DNAJC1: variants seen among roughly 807,000 people sequenced by gnomAD.
The protein encoded by DNAJC1 is dnaJ homolog subfamily C member 1.
DNAJC1 carries 58 observed loss-of-function variants against 76.6 expected under a neutral mutation model. The observed-to-expected ratio is 0.76, with a 90% CI of 0.61 to 0.94. The LOEUF (loss-of-function observed/expected upper bound fraction) is 0.94, where lower values mean the gene tolerates loss of function less well. Ranked by LOEUF, DNAJC1 falls within the 40% of genes least tolerant of loss-of-function variation. The probability of loss-of-function intolerance (pLI) is 0.00; values close to 1 mark genes in which losing one functional copy is unlikely to be tolerated. For missense variants in DNAJC1, 689 were observed against 677.3 expected, an observed-to-expected ratio of 1.02 and a Z score of -0.19; for synonymous variants, 258 against 267.9, an observed-to-expected ratio of 0.96 and a Z score of 0.36.
At chr10:21,826,273 T>C (rs1835252492) in intron 8 of DNAJC1, among the ~76,000 whole-genome samples, 1 of 132,188 alleles carries the variant, frequency 7.6e-6, no homozygotes, top group Non-Finnish European at 1.6e-5. Context: ...CGAAAATATA[T>C]CACATATGCA....
intron 1 of DNAJC1, among the ~76,000 whole-genome samples, chr10:21,970,961 CT>C (rs1564841571): frequency 6.6e-6 from 1 of 151,908 alleles, no homozygotes; most frequent in Non-Finnish European, 1.5e-5. Flanking sequence ...AGTTATACTA[CT>C]TGATGATCTG....
At chr10:21,783,366 G>A (rs1834559039) in intron 9 of DNAJC1, among the ~76,000 whole-genome samples, 1 of 152,108 alleles carries the variant, frequency 6.6e-6, no homozygotes, top group South Asian at 2.1e-4. Flanking sequence ...ACCTCTTCAA[G>A]GAGAACTACA....
At position 21,990,228 on chromosome 10, in the gene DNAJC1, G is replaced by T. The variant is rs55788631; in HGVS notation, c.222+12985C>A. On this transcript the variant is annotated intron_variant, in intron 1 of 11. Transcript: ENST00000376980. ...CCTATTGCTGACTTTGATAAACCCT[G>T]GGAATTGTATATAGTAACCACAAAT... is the stretch of plus-strand genomic sequence containing the variant. Among the ~76,000 whole-genome samples, 1,296 of 152,206 alleles carry T rather than the reference G, an allele frequency of 8.5e-3. 23 individuals are homozygous for T. The highest frequency in any genetic ancestry group is 0.03 in the African/African-American group (1,236 of 41,520).
At chr10:21,818,647 G>C (rs1835112010) in intron 8 of DNAJC1, among the ~76,000 whole-genome samples, 2 of 152,098 alleles carry the variant, frequency 1.3e-5, no homozygotes, top group Non-Finnish European at 2.9e-5. Flanking sequence ...TTTGTACTCT[G>C]TCCCTTTATT....
chr10:21,864,921 C>T (rs1345015104), intron 8 of DNAJC1, among the ~76,000 whole-genome samples: 3 of 152,032 alleles, frequency 2.0e-5, no homozygotes, highest in Admixed American at 1.3e-4. Flanking sequence ...GCTGAATGGA[C>T]ATTTCATAAA....
chr10:21,839,627 A>C (rs1374339888), intron 8 of DNAJC1, among the ~76,000 whole-genome samples: 1 of 152,206 alleles, frequency 6.6e-6, no homozygotes, highest in Non-Finnish European at 1.5e-5. Flanking sequence ...CCAACCAAAA[A>C]AAGCCCAGGA....
At chr10:21,995,638 C>T (rs1223371504) in intron 1 of DNAJC1, among the ~76,000 whole-genome samples, 1 of 152,152 alleles carries the variant, frequency 6.6e-6, no homozygotes, top group Non-Finnish European at 1.5e-5. Context: ...TGCCTACTGC[C>T]TCAGTAGCAA....
intron 8 of DNAJC1, among the ~76,000 whole-genome samples, chr10:21,818,029 G>C (rs1835102830): frequency 6.6e-6 from 1 of 152,170 alleles, no homozygotes; most frequent in African/African-American, 2.4e-5. Context: ...AAAAAGAACA[G>C]GATAACAGCA....
intron 1 of DNAJC1, among the ~76,000 whole-genome samples, chr10:21,945,779 G>C (rs563632847): frequency 2.0e-5 from 3 of 152,124 alleles, no homozygotes; most frequent in South Asian, 4.1e-4. Context: ...TGTCTGAAAG[G>C]TCACAGTGAG....
At chr10:21,915,819 G>A (rs1336970755) in intron 6 of DNAJC1, among the ~76,000 whole-genome samples, 2 of 150,098 alleles carry the variant, frequency 1.3e-5, no homozygotes, top group Admixed American at 6.6e-5. Context: ...CTGTTTTAAT[G>A]TCCCACCTAG....
At chr10:21,841,797 C>T (rs987711784) in intron 8 of DNAJC1, among the ~76,000 whole-genome samples, 8 of 150,900 alleles carry the variant, frequency 5.3e-5, no homozygotes, top group Middle Eastern at 3.4e-3. Flanking sequence ...TAAAGACACA[C>T]GTATGTTTAT....
chr10:21,857,313 A>C (rs952514255), intron 8 of DNAJC1, among the ~76,000 whole-genome samples: 2 of 151,624 alleles, frequency 1.3e-5, no homozygotes, highest in Non-Finnish European at 2.9e-5. Flanking sequence ...AGGAACAGAA[A>C]ACTCTTCCAA....
chr10:21,846,505 A>G (rs1835660673), intron 8 of DNAJC1, among the ~76,000 whole-genome samples: 1 of 152,200 alleles, frequency 6.6e-6, no homozygotes, highest in African/African-American at 2.4e-5. Context: ...ATATCCACAT[A>G]TGCAGAGGTA....
chr10:21,847,435 G>T (rs1418064497), intron 8 of DNAJC1, among the ~76,000 whole-genome samples: 1 of 151,832 alleles, frequency 6.6e-6, no homozygotes, highest in East Asian at 1.9e-4. Flanking sequence ...CATTTCTTTG[G>T]GTTGGGAATA....
chr10:21,920,872 C>T lies in DNAJC1; in HGVS notation c.463G>A (p.Ala155Thr), dbSNP rs1249549549. 1 of 1,612,858 alleles carries T rather than the reference C, an allele frequency of 6.2e-7. No individual in the cohort carries two copies. The highest frequency in any genetic ancestry group is 1.3e-5 in the African/African-American group (1 of 74,820). Reference sequence around the variant, plus strand: ...GTGAGAATAATGAACAAGAGTAATGCCAGCTCAGCATTGCTCATTTTTCTC... The same window carrying T: ...GTGAGAATAATGAACAAGAGTAATGTCAGCTCAGCATTGCTCATTTTTCTC... ...RVRKMSNAEL[A>T]LLLFIILTVG... The change falls in exon 4 of 12, where the codon GCA becomes ACA. Residue 155 changes from alanine to threonine, a missense_variant. Physicochemically the swap from Ala to Thr is moderately conservative, Grantham distance 58. Coordinates refer to ENST00000376980, the MANE Select transcript of DNAJC1 (RefSeq NM_022365.4).
intron 6 of DNAJC1, among the ~76,000 whole-genome samples, chr10:21,907,602 A>G (rs1836767706): frequency 6.6e-6 from 1 of 152,134 alleles, no homozygotes; most frequent in Admixed American, 6.5e-5. Context: ...CTACCATACA[A>G]TATCTCAAGG....
intron 8 of DNAJC1, among the ~76,000 whole-genome samples, chr10:21,825,782 T>C (rs999536724): frequency 6.6e-6 from 1 of 152,248 alleles, no homozygotes; most frequent in Admixed American, 6.5e-5. Context: ...ATTGGTGATG[T>C]TGAATACCTT....
intron 8 of DNAJC1, among the ~76,000 whole-genome samples, chr10:21,854,055 T>G (rs960037703): frequency 6.6e-6 from 1 of 151,968 alleles, no homozygotes; most frequent in African/African-American, 2.4e-5. Context: ...TCAGTCTAAT[T>G]CACCAACTCA....
intron 7 of DNAJC1, among the ~76,000 whole-genome samples, chr10:21,904,091 T>C (rs923361734): frequency 7.9e-5 from 12 of 152,212 alleles, no homozygotes; most frequent in African/African-American, 2.9e-4. Flanking sequence ...GTTCATACTA[T>C]ATAACAATAT....
Sources: gnomAD v4.1 joint callset for allele counts (sites outside exome capture counted in the v4.1 genomes callset) on GRCh38, gnomAD v4.1.1 for gene constraint, MANE v1.5 for transcripts, NCBI Gene and HGNC (gene_info 2026-07-23, HGNC 2026-07-21) for gene names.